FRMD6: variants seen among roughly 807,000 people sequenced by gnomAD.
FRMD6 encodes the protein FERM domain containing 6.
A neutral mutation model predicts 73.2 loss-of-function variants in FRMD6; 37 were observed. The ratio of observed to expected loss-of-function variants is 0.51; its 90% CI spans 0.39 to 0.66. The LOEUF (loss-of-function observed/expected upper bound fraction) is 0.66. Among genes scored for constraint, FRMD6 ranks in the 30% least tolerant of loss-of-function variants. The probability of loss-of-function intolerance (pLI) is 0.00; values close to 1 mark genes in which losing one functional copy is unlikely to be tolerated. For missense variants in FRMD6, 714 were observed against 780.5 expected (o/e 0.91, Z 1.02); for synonymous variants, 273 against 282.2 (o/e 0.97, Z 0.33).
chr14:51,420,180 G>A, the FRMD6 span, among the ~76,000 whole-genome samples: 1 of 152,184 alleles, frequency 6.6e-6, no homozygotes, highest in African/African-American at 2.4e-5. Flanking sequence ...CAGAGTCCCT[G>A]AATAACTGCA....
At chr14:51,671,775 A>G (rs1416585078) in intron 1 of FRMD6, among the ~76,000 whole-genome samples, 1 of 152,212 alleles carries the variant, frequency 6.6e-6, no homozygotes, top group African/African-American at 2.4e-5. Flanking sequence ...AATGTTAAAG[A>G]TGAAGCCTGC....
At chr14:51,512,433 T>A (rs1348484154) in intron 1 of FRMD6, among the ~76,000 whole-genome samples, 1 of 149,274 alleles carries the variant, frequency 6.7e-6, no homozygotes, top group African/African-American at 2.5e-5. Context: ...TAGTGCAGAG[T>A]GATGGTGTAT....
rs1252233753 is a variant in FRMD6 at position 51,725,855 on chromosome 14, T to C, written c.1569T>C (p.Thr523=). Reference sequence around the variant, plus strand: ...TTGTTAAGCTTCGTGGCCAGAGTACTGATTCTCTTCCACAGGTATTAAAGG... The same window carrying C: ...TTGTTAAGCTTCGTGGCCAGAGTACCGATTCTCTTCCACAGGTATTAAAGG... ...ETVVKLRGQS[T]DSLPQTICRK... is the part of the protein sequence containing the mutation. The change falls in exon 13 of 14, where the codon ACT becomes ACC. Residue 523 remains threonine (T), a synonymous_variant. Coordinates refer to ENST00000344768, the MANE Select transcript of FRMD6 (RefSeq NM_001267046.2). The C allele has an allele frequency of 1.2e-6, 2 of 1,612,650 alleles. No individual in the cohort carries two copies. Among genetic ancestry groups the C allele is most frequent in the East Asian group, 2.2e-5 (1 of 44,864 alleles).
At chr14:51,708,994 C>T (rs1205867364) in intron 7 of FRMD6, among the ~76,000 whole-genome samples, 1 of 152,106 alleles carries the variant, frequency 6.6e-6, no homozygotes, top group African/African-American at 2.4e-5. Flanking sequence ...CAACTGGGGC[C>T]ATGCTCTGCA....
chr14:51,569,507 C>CTTTTTTTTT (rs34661155), intron 1 of FRMD6, among the ~76,000 whole-genome samples: 20 of 122,796 alleles, frequency 1.6e-4, no homozygotes, highest in South Asian at 2.6e-4. Flanking sequence ...TTCTTTCTTT[C>CTTTTTTTTT]TTTTTTTTTT....
chr14:51,724,633 T>A (rs1897841876), intron 12 of FRMD6, among the ~76,000 whole-genome samples: 1 of 152,190 alleles, frequency 6.6e-6, no homozygotes. Flanking sequence ...ACTGAGTCAT[T>A]ATGAGATGTT....
intron 1 of FRMD6, among the ~76,000 whole-genome samples, chr14:51,529,806 T>G (rs1885478871): frequency 6.6e-6 from 1 of 152,174 alleles, no homozygotes; most frequent in Non-Finnish European, 1.5e-5. Context: ...AAGTGAACAT[T>G]TCCTGTGACT....
intron 2 of FRMD6, among the ~76,000 whole-genome samples, chr14:51,693,090 G>A (rs1057022842): frequency 6.6e-6 from 1 of 152,110 alleles, no homozygotes; most frequent in Non-Finnish European, 1.5e-5. Flanking sequence ...GAGTAGTATG[G>A]AAGTGAAAAC....
At chr14:51,656,704 GC>G (rs969241146) in intron 1 of FRMD6, among the ~76,000 whole-genome samples, 45 of 152,232 alleles carry the variant, frequency 3.0e-4, no homozygotes, top group African/African-American at 1.1e-3. Flanking sequence ...GAGCCACCGC[GC>G]CCGGCTAGCA....
intron 6 of FRMD6, among the ~76,000 whole-genome samples, chr14:51,705,268 T>C (rs1386255644): frequency 6.6e-6 from 1 of 152,066 alleles, no homozygotes; most frequent in Non-Finnish European, 1.5e-5. Context: ...CAGAAAAACA[T>C]AACTCTTTAA....
intron 1 of FRMD6, among the ~76,000 whole-genome samples, chr14:51,653,148 T>C (rs1198202727): frequency 6.6e-6 from 1 of 152,236 alleles, no homozygotes; most frequent in Non-Finnish European, 1.5e-5. Context: ...ACTTCCAGCC[T>C]GTGCTCTCCA....
chr14:51,528,494 C>A (rs923158144), intron 1 of FRMD6, among the ~76,000 whole-genome samples: 1 of 152,058 alleles, frequency 6.6e-6, no homozygotes, highest in Non-Finnish European at 1.5e-5. Context: ...ATAATTAAAC[C>A]CTTGCATTCC....
At chr14:51,710,107 A>G (rs1896858165) in intron 7 of FRMD6, among the ~76,000 whole-genome samples, 1 of 152,188 alleles carries the variant, frequency 6.6e-6, no homozygotes, top group Non-Finnish European at 1.5e-5. Flanking sequence ...GATATCCCCA[A>G]TTTATCTTCT....
chr14:51,701,916 A>C (rs59902590), intron 4 of FRMD6, among the ~76,000 whole-genome samples: 1,778 of 152,048 alleles, frequency 0.012, 34 homozygotes, highest in African/African-American at 0.04. Context: ...TTTCACAAAC[A>C]TTAATTTCAT....
chr14:51,441,066 C>G, the FRMD6 span, among the ~76,000 whole-genome samples: 1 of 152,354 alleles, frequency 6.6e-6, no homozygotes, highest in African/African-American at 2.4e-5. Flanking sequence ...TGCCAAATGC[C>G]TCCTTGGGAT....
intron 1 of FRMD6, among the ~76,000 whole-genome samples, chr14:51,683,079 A>G (rs185338841): frequency 1.6e-3 from 249 of 152,308 alleles, no homozygotes; most frequent in African/African-American, 5.8e-3. Flanking sequence ...TCAAAGGAGT[A>G]ACCACTTAAT....
intron 1 of FRMD6, among the ~76,000 whole-genome samples, chr14:51,519,859 A>T (rs1884845931): frequency 6.6e-6 from 1 of 152,180 alleles, no homozygotes; most frequent in South Asian, 2.1e-4. Context: ...TTTGCCACAG[A>T]TACATTTCAG....
chr14:51,631,368 T>C (rs1891330038), intron 2 of FRMD6, among the ~76,000 whole-genome samples: 1 of 152,240 alleles, frequency 6.6e-6, no homozygotes, highest in South Asian at 2.1e-4. Context: ...TCTCTGTCTT[T>C]AGGAACATTT....
the FRMD6 span, among the ~76,000 whole-genome samples, chr14:51,424,041 C>T: frequency 6.6e-6 from 1 of 152,106 alleles, no homozygotes; most frequent in African/African-American, 2.4e-5. Flanking sequence ...AATTGTATGT[C>T]ATATGGTTTA....
Sources: allele counts gnomAD v4.1 joint callset (sites outside exome capture counted in the v4.1 genomes callset), GRCh38; gene constraint gnomAD v4.1.1; transcripts MANE v1.5; gene names NCBI Gene and HGNC (gene_info 2026-07-23, HGNC 2026-07-21).